Variants in RSRC1 observed in about 807,000 individuals in gnomAD.
RSRC1 encodes serine/Arginine-related protein 53.
Under a neutral mutation model 49.1 loss-of-function variants are expected in RSRC1, and 39 were observed. That is an observed-to-expected ratio of 0.79 (90% CI 0.61 to 1.04). RSRC1 has a LOEUF of 1.04. Ranked by LOEUF, RSRC1 falls within the 50% of genes least tolerant of loss-of-function variation. The pLI, the probability that RSRC1 is intolerant of heterozygous loss-of-function variation, is 0.00. For synonymous variants in RSRC1, 143 were observed against 130.8 expected (o/e 1.09, Z -0.63); for missense variants, 388 against 402.4 (o/e 0.96, Z 0.31).
intron 5 of RSRC1, among the ~76,000 whole-genome samples, chr3:158,300,261 A>G (rs772244750): frequency 3.4e-4 from 51 of 152,156 alleles, no homozygotes; most frequent in Non-Finnish European, 5.6e-4. Context: ...AATGCATTTT[A>G]TCTTAGTTGT....
chr3:158,302,722 T>G (rs1040568473), intron 5 of RSRC1: 2 of 133,206 alleles, frequency 1.5e-5, no homozygotes, highest in East Asian at 4.9e-4. Context: ...AGAGCAGTGG[T>G]GCAATCTTGG....
intron 7 of RSRC1, among the ~76,000 whole-genome samples, chr3:158,465,985 T>C (rs1461636749): frequency 6.6e-6 from 1 of 152,190 alleles, no homozygotes; most frequent in Non-Finnish European, 1.5e-5. Flanking sequence ...TAGCCATCTG[T>C]CTTATTTCCC....
At chr3:158,211,776 G>T (rs1412439336) in intron 4 of RSRC1, among the ~76,000 whole-genome samples, 1 of 151,682 alleles carries the variant, frequency 6.6e-6, no homozygotes, top group East Asian at 2.0e-4. Context: ...TAGAAGCAGT[G>T]TGTGTCAGAA....
chr3:158,150,755 T>G (rs1559920049), intron 3 of RSRC1, among the ~76,000 whole-genome samples: 1 of 152,166 alleles, frequency 6.6e-6, no homozygotes, highest in African/African-American at 2.4e-5. Context: ...GTGGAGGTGC[T>G]TCCGGGACTG....
chr3:158,254,753 C>G (rs1353578980), intron 4 of RSRC1, among the ~76,000 whole-genome samples: 2 of 151,788 alleles, frequency 1.3e-5, no homozygotes, highest in African/African-American at 4.8e-5. Flanking sequence ...TTTTAATGAT[C>G]GCCATTCTAA....
rs1722691128 is a variant in RSRC1 at position 158,228,901 on chromosome 3, C to CACATACGTGTAATGTGTATATAA, written c.494+25659_494+25660insTACGTGTAATGTGTATATAAACA. Among the ~76,000 whole-genome samples, 4 of 59,446 alleles carry CACATACGTGTAATGTGTATATAA rather than the reference C, an allele frequency of 6.7e-5. 1 individual carries two copies. The highest frequency in any genetic ancestry group is 1.4e-4 in the Non-Finnish European group (4 of 28,078). The allele number at this position is 59,446 out of a possible 152,430, so 39.0% of individuals were successfully genotyped here. The stretch of plus-strand genomic sequence containing the variant: ...CACATACGTGTAATGTGTATATAAA[C>CACATACGTGTAATGTGTATATAA]ACACATACGTGTATATGTGTGTATA... On this transcript the variant is annotated intron_variant, in intron 4 of 9. Transcript: ENST00000611884.
chr3:158,527,800 A>G (rs1054682439), intron 7 of RSRC1, among the ~76,000 whole-genome samples: 1 of 152,006 alleles, frequency 6.6e-6, no homozygotes, highest in South Asian at 2.1e-4. Context: ...GCAAATATGT[A>G]TAATAATTAG....
intron 6 of RSRC1, among the ~76,000 whole-genome samples, chr3:158,376,979 G>C (rs1420976433): frequency 1.3e-5 from 2 of 152,114 alleles, no homozygotes; most frequent in African/African-American, 4.8e-5. Context: ...TATCAGTTAG[G>C]TCAAAGTTGG....
intron 4 of RSRC1, among the ~76,000 whole-genome samples, chr3:158,254,338 C>G (rs1332995478): frequency 1.3e-5 from 2 of 152,324 alleles, no homozygotes; most frequent in East Asian, 3.9e-4. Context: ...GAGGAAATGA[C>G]ACACTGTCTT....
At chr3:158,365,424 T>C (rs1487743813) in intron 6 of RSRC1, among the ~76,000 whole-genome samples, 1 of 152,184 alleles carries the variant, frequency 6.6e-6, no homozygotes, top group African/African-American at 2.4e-5. Context: ...CTGTGTTAGT[T>C]TGCTGAGAAT....
rs541177874 is a variant in RSRC1, at chr3:158,474,762, T to C, written c.652+13759T>C. The stretch of plus-strand genomic sequence containing the variant: ...TTCTAGCCCTTCTCCTTTGCCTAGC[T>C]GATACCTACCAATCCTTCAGGTCTC... On this transcript the variant is annotated intron_variant, in intron 7 of 9. Transcript: ENST00000611884. Among the ~76,000 whole-genome samples the C allele has an allele frequency of 5.3e-5, 8 of 152,318 alleles. No individual in the cohort carries two copies. In the South Asian group the frequency reaches 1.7e-3, roughly 32 times the overall value.
rs776980698 is a variant in RSRC1 at position 158,229,922 on chromosome 3, A to G, written c.494+26677A>G. On this transcript the variant is annotated intron_variant, in intron 4 of 9. Transcript: ENST00000611884. The stretch of plus-strand genomic sequence containing the variant: ...CAAAATTAAGAAATTTAACATTTGT[A>G]CAATATGATTTTCTAAGCCGGAGTT... 6.4e-4 allele frequency among the ~76,000 whole-genome samples: 98 copies of G among 152,082 alleles called. 1 individual carries two copies. Among genetic ancestry groups the G allele is most frequent in the Admixed American group, 3.9e-4 (6 of 15,224 alleles).
intron 6 of RSRC1, among the ~76,000 whole-genome samples, chr3:158,396,769 A>C (rs932693113): frequency 6.6e-6 from 1 of 152,154 alleles, no homozygotes; most frequent in Non-Finnish European, 1.5e-5. Context: ...TTACATGAAC[A>C]TTATTTCTGC....
intron 6 of RSRC1, among the ~76,000 whole-genome samples, chr3:158,395,439 A>G (rs1468611058): frequency 1.3e-5 from 2 of 152,164 alleles, no homozygotes; most frequent in African/African-American, 2.4e-5. Flanking sequence ...GCATCTGACA[A>G]AGGTCAATAT....
chr3:158,542,423 T>A (rs1292886263), intron 8 of RSRC1, among the ~76,000 whole-genome samples: 1 of 152,134 alleles, frequency 6.6e-6, no homozygotes, highest in Admixed American at 6.5e-5. Flanking sequence ...TAATCCCAGA[T>A]ACTCGGGAGG....
chr3:158,168,144 G>A (rs533083448), intron 3 of RSRC1, among the ~76,000 whole-genome samples: 5 of 152,282 alleles, frequency 3.3e-5, no homozygotes, highest in African/African-American at 7.2e-5. Context: ...CAATAGCAGC[G>A]TTGGATAGTT....
intron 4 of RSRC1, among the ~76,000 whole-genome samples, chr3:158,263,805 G>T (rs116620137): frequency 0.016 from 2,457 of 152,178 alleles, 85 homozygotes; most frequent in African/African-American, 0.056. Flanking sequence ...GTTACCTAAG[G>T]TGTTGAATTT....
In RSRC1 at chr3:158,316,409, T is replaced by C. The variant is rs188290585; in HGVS notation, c.531+18334T>C. Among the ~76,000 whole-genome samples, 323 of 151,126 alleles carry C rather than the reference T, an allele frequency of 2.1e-3. 1 individual carries two copies. The highest frequency in any genetic ancestry group is 7.5e-3 in the African/African-American group (309 of 41,216). On this transcript the variant is annotated intron_variant, in intron 5 of 9. Transcript: ENST00000611884. ...ATATGCCTCATTTTTCCACCTGCTT[T>C]TTCTAATCAGTCCACTGCAGAATCT...
intron 6 of RSRC1, among the ~76,000 whole-genome samples, chr3:158,380,825 AT>A (rs955547017): frequency 4.1e-4 from 63 of 152,280 alleles, no homozygotes; most frequent in African/African-American, 1.4e-3. Context: ...TTGAAATTAT[AT>A]TTTTTTCTAT....
Sources: allele counts gnomAD v4.1 joint callset (sites outside exome capture counted in the v4.1 genomes callset), GRCh38; gene constraint gnomAD v4.1.1; transcripts MANE v1.5; gene names NCBI Gene and HGNC (gene_info 2026-07-23, HGNC 2026-07-21).